PIK3R3: variants seen among roughly 807,000 people sequenced by gnomAD.
The protein encoded by PIK3R3 is phosphatidylinositol 3-kinase regulatory subunit gamma.
In PIK3R3, 64 loss-of-function variants were observed where a neutral mutation model predicts 62.9. The observed-to-expected ratio is 1.02, with a 90% CI of 0.83 to 1.25. The LOEUF (loss-of-function observed/expected upper bound fraction) is 1.25, where lower values mean the gene tolerates loss of function less well. Among genes scored for constraint, PIK3R3 ranks in the 50% most tolerant of loss-of-function variants. PIK3R3 has a pLI of 0.00. For missense variants in PIK3R3, 614 were observed against 561.6 expected (o/e 1.09, Z -0.94); for synonymous variants, 165 against 189.0 (o/e 0.87, Z 1.04).
At chr1:46,092,975 A>G (rs1651784942) in intron 1 of PIK3R3, among the ~76,000 whole-genome samples, 2 of 152,142 alleles carry the variant, frequency 1.3e-5, no homozygotes, top group African/African-American at 2.4e-5. Context: ...ATCATCTTCA[A>G]TTGGTTTCAC....
At chr1:46,074,126 T>G (rs574352166) in intron 3 of PIK3R3, among the ~76,000 whole-genome samples, 1 of 148,990 alleles carries the variant, frequency 6.7e-6, no homozygotes, top group Non-Finnish European at 1.5e-5. Flanking sequence ...CCGCCTCTAC[T>G]AAAAATATAA....
rs116532075 is a variant in PIK3R3 at position 46,062,051 on chromosome 1, A to G, written c.642T>C (p.Thr214=). The change falls in exon 6 of 10, where the codon ACT becomes ACC. Residue 214 remains threonine (T), a synonymous_variant. Coordinates refer to ENST00000262741, the MANE Select transcript of PIK3R3 (RefSeq NM_003629.4). The part of the protein sequence containing the change: ...RTSQEIQMKR[T]AIEAFNETIK... Reference sequence around the variant, plus strand: ...TTGTTTCATTAAAAGCTTCTATTGCAGTCCTCTTCATCTGTATTTCCTACA... The same window carrying G: ...TTGTTTCATTAAAAGCTTCTATTGCGGTCCTCTTCATCTGTATTTCCTACA... 4 of 1,610,944 alleles carry G rather than the reference A, an allele frequency of 2.5e-6. No homozygotes were observed. The East Asian group carries it at 8.9e-5, about 36-fold the overall frequency.
chr1:46,080,127 T>A (rs1650442780), intron 2 of PIK3R3, among the ~76,000 whole-genome samples: 1 of 149,690 alleles, frequency 6.7e-6, no homozygotes, highest in African/African-American at 2.5e-5. Flanking sequence ...AGTGGCACTA[T>A]CTCGGCTCAC....
chr1:46,143,608 TG>T, the PIK3R3 span, among the ~76,000 whole-genome samples: 1 of 151,710 alleles, frequency 6.6e-6, no homozygotes, highest in Non-Finnish European at 1.5e-5. Flanking sequence ...TGCCAGTAGC[TG>T]GGACTATAGC....
Position 46,041,768 on chromosome 1 carries a change from A to T in PIK3R3, c.*1905T>A, listed in dbSNP as rs2149367795. 1.9e-5 allele frequency: 4 copies of T among 205,786 alleles called. No homozygotes were observed. In the East Asian group the frequency reaches 3.0e-4, roughly 15 times the overall value. The allele number at this position is 205,786 out of a possible 1,614,324, so 12.7% of individuals were successfully genotyped here. The stretch of plus-strand genomic sequence containing the variant: ...TGCTGGCTATTAGTTAAATGACTTT[A>T]GAGGGGGGTTCATTTGTCTCTGTCT... On this transcript the variant is annotated 3_prime_UTR_variant, in exon 10 of 10. Coordinates refer to ENST00000262741, the MANE Select transcript of PIK3R3 (RefSeq NM_003629.4).
chr1:46,044,209 G>A lies in PIK3R3; in HGVS notation c.1188-338C>T, dbSNP rs1012279638. ...TCCCACCACAGCTTCCCAAGTAGCCGGGACTACAGGTGTGAGCCACATGCC... is the reference window on the plus strand; with the variant it reads ...TCCCACCACAGCTTCCCAAGTAGCCAGGACTACAGGTGTGAGCCACATGCC... On this transcript the variant is annotated intron_variant, in intron 9 of 9. Transcript: ENST00000262741. The surrounding 1 kb of genome is among the most constrained non-coding windows in gnomAD (Gnocchi z 4.2). 2.0e-5 allele frequency among the ~76,000 whole-genome samples: 3 copies of A among 151,916 alleles called. No individual in the cohort carries two copies. The highest frequency in any genetic ancestry group is 2.4e-5 in the African/African-American group (1 of 41,328).
At chr1:46,075,848 G>A (rs1221821241) in intron 3 of PIK3R3, among the ~76,000 whole-genome samples, 1 of 152,154 alleles carries the variant, frequency 6.6e-6, no homozygotes, top group Non-Finnish European at 1.5e-5. Context: ...TAAAGCCTCA[G>A]AACCCAGGAA....
chr1:46,101,234 G>A (rs892223727), intron 1 of PIK3R3, among the ~76,000 whole-genome samples: 7 of 151,030 alleles, frequency 4.6e-5, no homozygotes, highest in Admixed American at 1.3e-4. Flanking sequence ...GGTGGCTCAC[G>A]CCTGTAATCC....
intron 1 of PIK3R3, among the ~76,000 whole-genome samples, chr1:46,114,522 G>A (rs371851230): frequency 5.3e-5 from 8 of 152,142 alleles, no homozygotes; most frequent in Admixed American, 4.6e-4. Context: ...ATCTGGGAAC[G>A]TGTTACAAAT....
At chr1:46,063,953 C>T (rs1435024255) in intron 5 of PIK3R3, among the ~76,000 whole-genome samples, 1 of 152,246 alleles carries the variant, frequency 6.6e-6, no homozygotes, top group Non-Finnish European at 1.5e-5. Flanking sequence ...TGGCTTACGC[C>T]TGTAATCCCA....
the PIK3R3 span, among the ~76,000 whole-genome samples, chr1:46,174,533 T>G: frequency 2.0e-5 from 3 of 152,140 alleles, no homozygotes; most frequent in South Asian, 6.2e-4. Context: ...GTTCACTCCC[T>G]TCCCTAGCCC....
intron 3 of PIK3R3, among the ~76,000 whole-genome samples, chr1:46,074,054 C>G (rs1012160181): frequency 1.3e-5 from 2 of 148,652 alleles, no homozygotes; most frequent in Non-Finnish European, 3.0e-5. Flanking sequence ...CTTTGGGAGG[C>G]CGAGGCGGGC....
At chr1:46,168,159 A>T in the PIK3R3 span, among the ~76,000 whole-genome samples, 1 of 152,158 alleles carries the variant, frequency 6.6e-6, no homozygotes, top group Non-Finnish European at 1.5e-5. Context: ...TCAAAAAAAT[A>T]AATTAATTAA....
At chr1:46,128,318 TC>T (rs35580495) in intron 1 of PIK3R3, among the ~76,000 whole-genome samples, 4 of 151,810 alleles carry the variant, frequency 2.6e-5, no homozygotes, top group Non-Finnish European at 4.4e-5. Flanking sequence ...GCCTGTGTAG[TC>T]CCAGCTACTC....
chr1:46,062,969 G>A (rs149484004), intron 5 of PIK3R3, among the ~76,000 whole-genome samples: 24 of 152,232 alleles, frequency 1.6e-4, no homozygotes, highest in South Asian at 2.1e-4. Flanking sequence ...TGTCACTTTC[G>A]GCAATTGATT....
At chr1:46,087,684 C>G (rs187631821) in intron 1 of PIK3R3, among the ~76,000 whole-genome samples, 95 of 149,146 alleles carry the variant, frequency 6.4e-4, no homozygotes, top group African/African-American at 2.3e-3. Flanking sequence ...ATCTTCCTGC[C>G]TTGGCCTCCC....
chr1:46,165,267 A>T, the PIK3R3 span, among the ~76,000 whole-genome samples: 165 of 150,642 alleles, frequency 1.1e-3, 1 homozygote, highest in African/African-American at 3.8e-3. Flanking sequence ...GCCTTAACTC[A>T]ACCCTCACAA....
the PIK3R3 span, among the ~76,000 whole-genome samples, chr1:46,150,757 A>T: frequency 6.6e-6 from 1 of 151,088 alleles, no homozygotes; most frequent in African/African-American, 2.4e-5. Flanking sequence ...CTGGATAAGG[A>T]TAAAACATCT....
At position 46,104,925 on chromosome 1, in the gene PIK3R3, CAAAAAAAAAAAAA is replaced by C. The variant is rs757829828; in HGVS notation, c.107-24188_107-24176del. The C allele has an allele frequency of 7.3e-5, 14 of 192,016 alleles. No individual in the cohort carries two copies. The East Asian group carries it at 1.2e-3, about 17-fold the overall frequency. 11.9% of individuals were successfully genotyped at this position (192,016 alleles called of 1,614,324 possible). A position where few individuals can be genotyped will look rare whatever the true frequency, so the allele number is the denominator to read the frequency against. ...CCTGGGTGACAGAGTAAGACTCCAT[CAAAAAAAAAAAAA>C]AAAAAAAAAAAACACACACTAAGTC... On this transcript the variant is annotated intron_variant, in intron 1 of 9. Transcript: ENST00000262741.
Sources: gnomAD v4.1 joint callset for allele counts (sites outside exome capture counted in the v4.1 genomes callset) on GRCh38, gnomAD v4.1.1 for gene constraint, Gnocchi (gnomAD v3.1) non-coding constraint, MANE v1.5 for transcripts, NCBI Gene and HGNC (gene_info 2026-07-23, HGNC 2026-07-21) for gene names.